Variants in MAST4 observed in about 807,000 individuals in gnomAD.
The protein encoded by MAST4 is microtubule-associated serine/threonine-protein kinase 4.
In MAST4, 89 loss-of-function variants were observed where a neutral mutation model predicts 162.7. The observed-to-expected ratio is 0.55, with a 90% CI of 0.46 to 0.65. The LOEUF (loss-of-function observed/expected upper bound fraction) is 0.65. MAST4 is among the 30% of genes least tolerant of loss of function. The probability of loss-of-function intolerance (pLI) is 0.00; values close to 1 mark genes in which losing one functional copy is unlikely to be tolerated. For synonymous variants in MAST4, 1,479 were observed against 1,361.1 expected, an observed-to-expected ratio of 1.09 and a Z score of -1.91; for missense variants, 3,153 against 3,374.0, an observed-to-expected ratio of 0.93 and a Z score of 1.62.
chr5:66,749,495 A>G (rs1350073834), intron 1 of MAST4, among the ~76,000 whole-genome samples: 1 of 152,172 alleles, frequency 6.6e-6, no homozygotes, highest in Non-Finnish European at 1.5e-5. Flanking sequence ...ACAAAACACA[A>G]ACCAAAACCT....
chr5:66,602,158 C>G (rs952843783), intron 1 of MAST4, among the ~76,000 whole-genome samples: 1 of 152,100 alleles, frequency 6.6e-6, no homozygotes, highest in African/African-American at 2.4e-5. Flanking sequence ...GAAGGAAAAA[C>G]TTTATTACCA....
intron 1 of MAST4, among the ~76,000 whole-genome samples, chr5:66,715,673 TAA>T (rs1750786699): frequency 7.9e-6 from 1 of 126,716 alleles, no homozygotes; most frequent in Non-Finnish European, 1.7e-5. Flanking sequence ...AGTATAATAA[TAA>T]TAAAATAAAA....
chr5:66,856,364 G>T (rs1243860773), intron 3 of MAST4, among the ~76,000 whole-genome samples: 1 of 152,210 alleles, frequency 6.6e-6, no homozygotes, highest in African/African-American at 2.4e-5. Flanking sequence ...CTGATCCCAG[G>T]TAGGACCTTG....
chr5:67,136,632 T>C lies in MAST4; in HGVS notation c.2462T>C (p.Leu821Pro). The C allele has an allele frequency of 6.2e-7, 1 of 1,602,956 alleles. No individual in the cohort carries two copies. The highest frequency in any genetic ancestry group is 8.5e-7 in the Non-Finnish European group (1 of 1,174,550). ...PDAQDLITLL[L>P]RQNPLERLGT... The stretch of plus-strand genomic sequence containing the variant: ...GCCCAGGATCTGATTACCTTACTCC[T>C]CAGGCAGAATCCCCTGGAGAGGCTG... The change falls in exon 19 of 29, where the codon CTC (leucine) becomes CCC (proline). Residue 821 changes from leucine to proline, a missense_variant. Leu to Pro is a moderately conservative substitution (Grantham distance 98, BLOSUM62 -3). This residue lies in a region of MAST4 where 62 missense variants were observed against 63.1 expected (regional missense o/e 0.98). Transcript: ENST00000403625.
chr5:67,098,318 T>G (rs1156346571), intron 7 of MAST4, among the ~76,000 whole-genome samples: 1 of 152,136 alleles, frequency 6.6e-6, no homozygotes, highest in Non-Finnish European at 1.5e-5. Context: ...CAGAGAATAT[T>G]CAGTATTGTG....
At chr5:66,793,882 T>C (rs768781664) in intron 3 of MAST4, among the ~76,000 whole-genome samples, 6 of 152,198 alleles carry the variant, frequency 3.9e-5, no homozygotes, top group Non-Finnish European at 7.3e-5. Flanking sequence ...TACCATATCG[T>C]TTGCTTATTT....
intron 4 of MAST4, among the ~76,000 whole-genome samples, chr5:66,928,276 G>T (rs1235849403): frequency 3.5e-4 from 54 of 152,202 alleles, no homozygotes; most frequent in Non-Finnish European, 1.5e-4. Flanking sequence ...GTGGTTTGTG[G>T]AATGTCTCCT....
chr5:66,736,795 A>G (rs1752181119), intron 1 of MAST4, among the ~76,000 whole-genome samples: 1 of 152,204 alleles, frequency 6.6e-6, no homozygotes, highest in Non-Finnish European at 1.5e-5. Context: ...CAGGTGATAG[A>G]TGGAAGGCTG....
rs1225263519 is a variant in MAST4 at position 67,134,424 on chromosome 5, CA to C, written c.2227-98del. 3 of 1,001,012 alleles carry C rather than the reference CA, an allele frequency of 3.0e-6. No individual in the cohort carries two copies. The African/African-American group carries it at 4.9e-5, about 16-fold the overall frequency. The allele number at this position is 1,001,012 out of a possible 1,614,324, so 62.0% of individuals were successfully genotyped here. A position where few individuals can be genotyped will look rare whatever the true frequency, so the allele number is the denominator to read the frequency against. On this transcript the variant is annotated intron_variant, in intron 17 of 28. Coordinates refer to ENST00000403625, the MANE Select transcript of MAST4 (RefSeq NM_001164664.2). Reference sequence around the variant, plus strand: ...GTCCATGTGGTTCCATGTGGTTGAGCAGGTGCATTCTGGGCAAAATAATTGG... The same window carrying C: ...GTCCATGTGGTTCCATGTGGTTGAGCGGTGCATTCTGGGCAAAATAATTGG...
chr5:67,074,687 A>T (rs1447785212), intron 5 of MAST4, among the ~76,000 whole-genome samples: 1 of 152,220 alleles, frequency 6.6e-6, no homozygotes, highest in African/African-American at 2.4e-5. Context: ...AAAGAGCAGG[A>T]CACAAAACAG....
intron 12 of MAST4, among the ~76,000 whole-genome samples, chr5:67,116,488 G>C (rs1023498756): frequency 1.3e-5 from 2 of 151,856 alleles, no homozygotes; most frequent in South Asian, 2.1e-4. Context: ...TTACAGGCGT[G>C]AGCCACCGCA....
At chr5:66,730,930 T>A (rs1276831367) in intron 1 of MAST4, among the ~76,000 whole-genome samples, 2 of 152,014 alleles carry the variant, frequency 1.3e-5, no homozygotes, top group African/African-American at 4.8e-5. Flanking sequence ...GAGACTAGAA[T>A]GGGGGAGTTG....
In MAST4 at chr5:66,847,820, C is replaced by CAAAAAAAAAAAAA. The variant is rs777825639; in HGVS notation, c.643-52120_643-52108dup. ...TGGGTGCTGGAACAAGACTCCTTCT[C>CAAAAAAAAAAAAA]AAAAAAAAAAAAAAAAAAAAAAAGA... On this transcript the variant is annotated intron_variant, in intron 3 of 28. Coordinates refer to ENST00000403625, the MANE Select transcript of MAST4 (RefSeq NM_001164664.2). Among the ~76,000 whole-genome samples, 105 of 54,140 alleles carry CAAAAAAAAAAAAA rather than the reference C, an allele frequency of 1.9e-3. 1 individual carries two copies. The highest frequency in any genetic ancestry group is 0.014 in the South Asian group (10 of 734). The allele number at this position is 54,140 out of a possible 152,430, so 35.5% of individuals were successfully genotyped here. A position where few individuals can be genotyped will look rare whatever the true frequency, so the allele number is the denominator to read the frequency against.
At chr5:67,012,265 G>GGAGA (rs1190906495) in intron 4 of MAST4, among the ~76,000 whole-genome samples, 1 of 152,166 alleles carries the variant, frequency 6.6e-6, no homozygotes, top group Non-Finnish European at 1.5e-5. Flanking sequence ...ATTCCTGTGT[G>GGAGA]GAGATGGCCC....
intron 5 of MAST4, among the ~76,000 whole-genome samples, chr5:67,068,718 A>AT (rs1318795557): frequency 6.6e-6 from 1 of 152,104 alleles, no homozygotes; most frequent in Non-Finnish European, 1.5e-5. Flanking sequence ...GTTTACAGTC[A>AT]TTTTGTTGTG....
At chr5:66,678,998 G>A (rs1402857236) in intron 1 of MAST4, among the ~76,000 whole-genome samples, 2 of 152,134 alleles carry the variant, frequency 1.3e-5, no homozygotes, top group African/African-American at 4.8e-5. Flanking sequence ...TGCCATGTTG[G>A]CCAGGCTGGT....
chr5:67,162,655 C>T lies in MAST4; in HGVS notation c.3834C>T (p.Leu1278=). The change falls in exon 28 of 29, where the codon CTC becomes CTT. Residue 1278 remains leucine, a synonymous_variant. Coordinates refer to ENST00000403625, the MANE Select transcript of MAST4 (RefSeq NM_001164664.2). ...TAGCCAAGCAGCCTTCTCCTTTACTCCACACCAGCCGAAGTTTCTCCTGCT... is the reference window on the plus strand; with the variant it reads ...TAGCCAAGCAGCCTTCTCCTTTACTTCACACCAGCCGAAGTTTCTCCTGCT... The part of the protein sequence containing the change: ...KKLAKQPSPL[L]HTSRSFSCLN... 6.2e-7 allele frequency: 1 copy of T among 1,613,958 alleles called. No individual in the cohort carries two copies. Among genetic ancestry groups the T allele is most frequent in the Non-Finnish European group, 8.5e-7 (1 of 1,179,888 alleles).
intron 4 of MAST4, among the ~76,000 whole-genome samples, chr5:66,933,977 C>T (rs1742448300): frequency 6.6e-6 from 1 of 152,010 alleles, no homozygotes; most frequent in Non-Finnish European, 1.5e-5. Context: ...CAGGCATGAG[C>T]CACCACACCT....
At position 67,031,040 on chromosome 5, in the gene MAST4, T is replaced by C. The variant is rs552205999; in HGVS notation, c.675-23364T>C. ...TGTAAAAAGTAAAATTGATGTCTATTGGGGATAACACTTCCACATAGGATA... is the reference window on the plus strand; with the variant it reads ...TGTAAAAAGTAAAATTGATGTCTATCGGGGATAACACTTCCACATAGGATA... On this transcript the variant is annotated intron_variant, in intron 4 of 28. Transcript: ENST00000403625. Among the ~76,000 whole-genome samples, 10 of 152,292 alleles carry C rather than the reference T, an allele frequency of 6.6e-5. No individual in the cohort carries two copies. In the South Asian group the frequency reaches 1.7e-3, roughly 25 times the overall value.
Sources: gnomAD v4.1 joint callset for allele counts (sites outside exome capture counted in the v4.1 genomes callset) on GRCh38, gnomAD v4.1.1 for gene constraint, gnomAD v4.1.1 regional missense constraint, MANE v1.5 for transcripts, NCBI Gene and HGNC (gene_info 2026-07-23, HGNC 2026-07-21) for gene names.